Variants in SLC16A7 observed in about 807,000 individuals in gnomAD.
SLC16A7 encodes the protein monocarboxylate transporter 2.
A neutral mutation model predicts 34.9 loss-of-function variants in SLC16A7; 33 were observed. The ratio of observed to expected loss-of-function variants is 0.94; its 90% CI spans 0.72 to 1.26. The LOEUF is 1.26. Among genes scored for constraint, SLC16A7 ranks in the 50% most tolerant of loss-of-function variants. The probability of loss-of-function intolerance (pLI) is 0.00; values close to 1 mark genes in which losing one functional copy is unlikely to be tolerated. For missense variants in SLC16A7, 573 were observed against 578.1 expected (o/e 0.99, Z 0.09); for synonymous variants, 201 against 206.6 (o/e 0.97, Z 0.23).
At chr12:59,772,580 T>G (rs1882339964) in intron 4 of SLC16A7, among the ~76,000 whole-genome samples, 1 of 152,186 alleles carries the variant, frequency 6.6e-6, no homozygotes, top group South Asian at 2.1e-4. Context: ...TTTAAATCAT[T>G]ATCAGCAAAT....
chr12:59,740,244 G>A (rs1565685913), intron 3 of SLC16A7, among the ~76,000 whole-genome samples: 1 of 151,812 alleles, frequency 6.6e-6, no homozygotes, highest in Non-Finnish European at 1.5e-5. Context: ...AAGGGATCCA[G>A]TTTCAGCTTT....
chr12:59,670,348 G>C (rs1257295910), intron 2 of SLC16A7, among the ~76,000 whole-genome samples: 1 of 152,052 alleles, frequency 6.6e-6, no homozygotes, highest in Non-Finnish European at 1.5e-5. Flanking sequence ...GATACTGGAG[G>C]TTACAGCTTC....
Position 59,596,603 on chromosome 12 carries a change from C to T in SLC16A7, c.-130+367C>T, listed in dbSNP as rs1878411140. ...AGCGTGGCGCGGTGCACCCCAGTCT[C>T]CCTGGCTCACGGGACTCCGAGGGCT... On this transcript the variant is annotated intron_variant, in intron 1 of 5. Transcript: ENST00000547379. The surrounding 1 kb of genome is among the most constrained non-coding windows in gnomAD (Gnocchi z 5.0). Among the ~76,000 whole-genome samples the T allele has an allele frequency of 6.6e-6, 1 of 151,974 alleles. No homozygotes were observed. The highest frequency in any genetic ancestry group is 2.1e-4 in the South Asian group (1 of 4,816).
chr12:59,611,382 A>G lies in SLC16A7; in HGVS notation c.-130+15146A>G, dbSNP rs369361839. ...ACCTTGTGAGAACTCGATCACTATCATGAGAACAGCATGAGGGTAACTGCT... is the reference window on the plus strand; with the variant it reads ...ACCTTGTGAGAACTCGATCACTATCGTGAGAACAGCATGAGGGTAACTGCT... On this transcript the variant is annotated intron_variant, in intron 1 of 5. Transcript: ENST00000547379. 1.1e-3 allele frequency among the ~76,000 whole-genome samples: 174 copies of G among 152,330 alleles called. 1 individual carries two copies. Among genetic ancestry groups the G allele is most frequent in the African/African-American group, 3.9e-3 (163 of 41,574 alleles).
Position 59,787,674 on chromosome 12 carries a change from C to T in SLC16A7, c.*7995C>T, listed in dbSNP as rs541457281. The stretch of plus-strand genomic sequence containing the variant: ...CATCAAGATATTTACCCTAAAAACA[C>T]ATTTTAATAAAAATTTGGGTAAACT... On this transcript the variant is annotated 3_prime_UTR_variant, in exon 6 of 6. Transcript: ENST00000547379. The T allele has an allele frequency of 8.0e-4, 122 of 152,254 alleles. No individual in the cohort carries two copies. Among genetic ancestry groups the T allele is most frequent in the African/African-American group, 2.9e-3 (121 of 41,560 alleles). 9.4% of individuals were successfully genotyped at this position (152,254 alleles called of 1,614,324 possible).
intron 1 of SLC16A7, among the ~76,000 whole-genome samples, chr12:59,609,615 G>A (rs184518851): frequency 6.6e-6 from 1 of 152,054 alleles, no homozygotes; most frequent in South Asian, 2.1e-4. Context: ...CATATTTAGG[G>A]TGTTGGTTTC....
intron 2 of SLC16A7, among the ~76,000 whole-genome samples, chr12:59,703,734 T>C (rs1873163709): frequency 1.3e-5 from 2 of 152,020 alleles, no homozygotes; most frequent in East Asian, 3.9e-4. Context: ...TACTGTATAG[T>C]ATACTGGTAA....
rs924352750 is a variant in SLC16A7, at chr12:59,780,518, A to G, written c.*839A>G. The G allele has an allele frequency of 1.3e-5, 2 of 152,108 alleles. No homozygotes were observed. Among genetic ancestry groups the G allele is most frequent in the African/African-American group, 4.8e-5 (2 of 41,452 alleles). The allele number at this position is 152,108 out of a possible 1,614,324, so 9.4% of individuals were successfully genotyped here. A position where few individuals can be genotyped will look rare whatever the true frequency, so the allele number is the denominator to read the frequency against. On this transcript the variant is annotated 3_prime_UTR_variant, in exon 6 of 6. Coordinates refer to ENST00000547379, the MANE Select transcript of SLC16A7 (RefSeq NM_001270623.2). ...AGAATAGAACCCTCAAATAATTTTT[A>G]GAATTCTTACCTAATATGTAAAAGT...
intron 3 of SLC16A7, among the ~76,000 whole-genome samples, chr12:59,730,489 A>T (rs1013331686): frequency 6.6e-6 from 1 of 152,066 alleles, no homozygotes; most frequent in African/African-American, 2.4e-5. Context: ...ATTGTTACAT[A>T]GTATAGTTGC....
intron 3 of SLC16A7, chr12:59,720,192 C>A: frequency 1.5e-6 from 1 of 647,662 alleles, no homozygotes; most frequent in Middle Eastern, 2.5e-4. Flanking sequence ...AGTTTGGAAT[C>A]TTCCTAAGTT....
rs1357707288 is a variant in SLC16A7, at chr12:59,789,552, G to A, written c.*9873G>A. On this transcript the variant is annotated 3_prime_UTR_variant, in exon 6 of 6. Transcript: ENST00000547379. Reference sequence around the variant, plus strand: ...TTTTCAACATTGACCTTGATCATAAGTGCTTCTATCTGCTGAGCTTTATTT... The same window carrying A: ...TTTTCAACATTGACCTTGATCATAAATGCTTCTATCTGCTGAGCTTTATTT... The A allele has an allele frequency of 6.6e-6, 1 of 152,068 alleles. No homozygotes were observed. The highest frequency in any genetic ancestry group is 1.5e-5 in the Non-Finnish European group (1 of 67,990). 9.4% of individuals were successfully genotyped at this position (152,068 alleles called of 1,614,324 possible).
At chr12:59,765,096 T>G (rs1259549692) in intron 3 of SLC16A7, among the ~76,000 whole-genome samples, 1 of 152,216 alleles carries the variant, frequency 6.6e-6, no homozygotes, top group East Asian at 1.9e-4. Context: ...TGAAGAGCAT[T>G]TTTTCATGTG....
intron 1 of SLC16A7, among the ~76,000 whole-genome samples, chr12:59,653,427 C>T (rs1868385391): frequency 6.6e-6 from 1 of 151,496 alleles, no homozygotes; most frequent in Non-Finnish European, 1.5e-5. Flanking sequence ...ACCAATTTGT[C>T]ACCATACCTA....
chr12:59,650,455 C>T (rs1005010239), intron 1 of SLC16A7, among the ~76,000 whole-genome samples: 1 of 152,072 alleles, frequency 6.6e-6, no homozygotes, highest in Non-Finnish European at 1.5e-5. Context: ...GGAATATTGT[C>T]TCTACCCTTA....
At chr12:59,672,036 ATATCCG>A (rs2137052369) in intron 2 of SLC16A7, among the ~76,000 whole-genome samples, 1 of 26 alleles carries the variant, frequency 0.038, no homozygotes, top group Non-Finnish European at 0.083. Context: ...TATATCGCAT[ATATCCG>A]TATATATGTG....
At chr12:59,691,488 G>A (rs1871642769) in intron 2 of SLC16A7, among the ~76,000 whole-genome samples, 1 of 151,990 alleles carries the variant, frequency 6.6e-6, no homozygotes, top group African/African-American at 2.4e-5. Context: ...AAATTACTTT[G>A]AACAATTGCC....
At chr12:59,650,071 T>C (rs1438462688) in intron 1 of SLC16A7, among the ~76,000 whole-genome samples, 1 of 152,142 alleles carries the variant, frequency 6.6e-6, no homozygotes, top group Non-Finnish European at 1.5e-5. Flanking sequence ...TTAGGATTTA[T>C]ATATATCATC....
chr12:59,724,535 T>C (rs535967094), intron 3 of SLC16A7, among the ~76,000 whole-genome samples: 1 of 152,212 alleles, frequency 6.6e-6, no homozygotes, highest in Admixed American at 6.6e-5. Context: ...GTGCAACATG[T>C]ATTTACTTGG....
chr12:59,711,721 C>T (rs1164490096), intron 3 of SLC16A7, among the ~76,000 whole-genome samples: 2 of 152,214 alleles, frequency 1.3e-5, no homozygotes, highest in Admixed American at 6.5e-5. Context: ...TTTTACTAGT[C>T]TCAAACATCT....
Sources: allele counts gnomAD v4.1 joint callset (sites outside exome capture counted in the v4.1 genomes callset), GRCh38; gene constraint gnomAD v4.1.1; non-coding constraint Gnocchi (gnomAD v3.1); transcripts MANE v1.5; gene names NCBI Gene and HGNC (gene_info 2026-07-23, HGNC 2026-07-21).